The following ZNF26 variants were observed in gnomAD, a reference collection of about 807,000 sequenced individuals.
ZNF26 encodes epididymis luminal protein 179.
In ZNF26, 32 loss-of-function variants were observed where a neutral mutation model predicts 54.9. The observed-to-expected ratio is 0.58, with a 90% CI of 0.44 to 0.78. The LOEUF is 0.78. Ranked by LOEUF, ZNF26 falls within the 30% of genes least tolerant of loss-of-function variation. The probability of loss-of-function intolerance (pLI) is 0.00; values close to 1 mark genes in which losing one functional copy is unlikely to be tolerated. For synonymous variants in ZNF26, 221 were observed against 209.2 expected (o/e 1.06, Z -0.49); for missense variants, 524 against 634.0 (o/e 0.83, Z 1.86).
intron 1 of ZNF26, among the ~76,000 whole-genome samples, chr12:133,000,520 G>T (rs1315172135): frequency 3.3e-5 from 5 of 150,066 alleles, no homozygotes; most frequent in Non-Finnish European, 5.9e-5. Flanking sequence ...CGCCTCCAGG[G>T]TTCACGCCAT....
In ZNF26 at chr12:133,017,678, T is replaced by C. The variant is rs1453939167; in HGVS notation, c.*6197T>C. The C allele has an allele frequency of 6.6e-6, 1 of 152,180 alleles. No homozygotes were observed. The highest frequency in any genetic ancestry group is 1.5e-5 in the Non-Finnish European group (1 of 68,032). The allele number at this position is 152,180 out of a possible 1,614,324, so 9.4% of individuals were successfully genotyped here. On this transcript the variant is annotated 3_prime_UTR_variant, in exon 4 of 4. Coordinates refer to ENST00000328654, the MANE Select transcript of ZNF26 (RefSeq NM_019591.4). ...AGGGTAATTATGTAATAATAAAAGA[T>C]AGTGCAAGTGCAGATTTCTTATTTT...
Position 133,008,744 on chromosome 12 carries a change from CCAG to C in ZNF26, c.256+1214_256+1216del, listed in dbSNP as rs1167531027. On this transcript the variant is annotated intron_variant, in intron 3 of 3. Transcript: ENST00000328654. ...TGAGCCGAGATCGTGCCACTGCACT[CCAG>C]CCTGGGCAACAGAGCGAGACTCCAT... is the stretch of plus-strand genomic sequence containing the variant. Among the ~76,000 whole-genome samples, 643 of 145,128 alleles carry C rather than the reference CCAG, an allele frequency of 4.4e-3. 7 individuals are homozygous for C. Among genetic ancestry groups the C allele is most frequent in the African/African-American group, 0.015 (589 of 39,196 alleles).
rs77349696 is a variant in ZNF26, at chr12:133,026,519, C to CTTTTTTTT, written c.*15056_*15063dup. ...AAAAGGACAACTTCATATAGTTCAA[C>CTTTTTTTT]TTTTTTTTTTTTTTTTTTTTTTTTT... is the stretch of plus-strand genomic sequence containing the variant. On this transcript the variant is annotated 3_prime_UTR_variant, in exon 4 of 4. Transcript: ENST00000328654. The CTTTTTTTT allele has an allele frequency of 2.0e-4, 25 of 122,466 alleles. 1 individual carries two copies. The highest frequency in any genetic ancestry group is 8.0e-4 in the African/African-American group (22 of 27,484). The allele number at this position is 122,466 out of a possible 1,614,324, so 7.6% of individuals were successfully genotyped here.
intron 1 of ZNF26, among the ~76,000 whole-genome samples, chr12:132,987,973 T>C (rs917915229): frequency 1.1e-3 from 161 of 152,346 alleles, no homozygotes; most frequent in African/African-American, 3.5e-3. Context: ...AATACCACAC[T>C]GCCACACTGT....
rs1953671281 is a variant in ZNF26, at chr12:133,023,807, G to T, written c.*12326G>T. 2.6e-5 allele frequency: 4 copies of T among 152,220 alleles called. No homozygotes were observed. Among genetic ancestry groups the T allele is most frequent in the African/African-American group, 9.6e-5 (4 of 41,460 alleles). The allele number at this position is 152,220 out of a possible 1,614,324, so 9.4% of individuals were successfully genotyped here. On this transcript the variant is annotated 3_prime_UTR_variant, in exon 4 of 4. Transcript: ENST00000328654. ...AACTTCGCAGGATATAAAAAGCCAT[G>T]CGGCTTCTGCCTTGATTGCAGAGAT... is the stretch of plus-strand genomic sequence containing the variant.
In ZNF26 at chr12:133,012,485, T is replaced by A. The variant is rs753571606; in HGVS notation, c.*1004T>A. On this transcript the variant is annotated 3_prime_UTR_variant, in exon 4 of 4. Coordinates refer to ENST00000328654, the MANE Select transcript of ZNF26 (RefSeq NM_019591.4). ...CATTCTGGCTAATTGATTACAAGAA[T>A]AACTGTGGATACGATCCCTTTAGAA... is the stretch of plus-strand genomic sequence containing the variant. 6.6e-6 allele frequency: 1 copy of A among 151,836 alleles called. No homozygotes were observed. Among genetic ancestry groups the A allele is most frequent in the Non-Finnish European group, 1.5e-5 (1 of 68,000 alleles). The allele number at this position is 151,836 out of a possible 1,614,324, so 9.4% of individuals were successfully genotyped here. A position where few individuals can be genotyped will look rare whatever the true frequency, so the allele number is the denominator to read the frequency against.
At position 133,022,656 on chromosome 12, in the gene ZNF26, A is replaced by C. The variant is rs2137285501; in HGVS notation, c.*11175A>C. ...AACTATCTCAATACAAATTTAATTA[A>C]AACAAAATAAATCTGATAAAGATGT... On this transcript the variant is annotated 3_prime_UTR_variant, in exon 4 of 4. Transcript: ENST00000328654. 1 of 151,610 alleles carries C rather than the reference A, an allele frequency of 6.6e-6. No homozygotes were observed. The highest frequency in any genetic ancestry group is 1.9e-4 in the East Asian group (1 of 5,204). The allele number at this position is 151,610 out of a possible 1,614,324, so 9.4% of individuals were successfully genotyped here. A position where few individuals can be genotyped will look rare whatever the true frequency, so the allele number is the denominator to read the frequency against.
chr12:133,010,670 G>T lies in ZNF26; in HGVS notation c.791G>T (p.Gly264Val). 6.2e-7 allele frequency: 1 copy of T among 1,614,102 alleles called. No homozygotes were observed. The highest frequency in any genetic ancestry group is 8.5e-7 in the Non-Finnish European group (1 of 1,180,018). Residue 264 changes from glycine (G) to valine (V), a missense_variant, in exon 4 of 4, where the codon GGG (glycine) becomes GTG (valine). Coordinates refer to ENST00000328654, the MANE Select transcript of ZNF26 (RefSeq NM_019591.4). ...AAACCCTATGGCTGCAGTGAATGTGGGAAAGCCTACAGTTGGAAATCACAG... is the reference window on the plus strand; with the variant it reads ...AAACCCTATGGCTGCAGTGAATGTGTGAAAGCCTACAGTTGGAAATCACAG... Reference protein sequence around the residue: ...GGKPYGCSECGKAYSWKSQLL... With the variant: ...GGKPYGCSECVKAYSWKSQLL...
At chr12:133,007,558 G>GA in intron 3 of ZNF26, 26 bp downstream of exon 3, 2 of 1,538,164 alleles carry the variant, frequency 1.3e-6, no homozygotes, top group Non-Finnish European at 1.8e-6. Flanking sequence ...AGAGGAAGGT[G>GA]GGAGGCATGG....
intron 1 of ZNF26, among the ~76,000 whole-genome samples, chr12:132,996,941 T>C (rs1479289407): frequency 6.6e-6 from 1 of 152,200 alleles, no homozygotes; most frequent in Non-Finnish European, 1.5e-5. Context: ...AAACATTTAA[T>C]AGGGACTTAA....
intron 1 of ZNF26, among the ~76,000 whole-genome samples, chr12:132,988,885 G>T (rs1242862288): frequency 6.6e-6 from 1 of 151,996 alleles, no homozygotes; most frequent in Non-Finnish European, 1.5e-5. Flanking sequence ...TTTAATTTTT[G>T]TGGGTGCTAC....
chr12:132,995,954 A>G (rs1214784816), intron 1 of ZNF26, among the ~76,000 whole-genome samples: 1 of 152,112 alleles, frequency 6.6e-6, no homozygotes, highest in Non-Finnish European at 1.5e-5. Flanking sequence ...ACCTGACCTT[A>G]CTGTTGTTTT....
intron 1 of ZNF26, among the ~76,000 whole-genome samples, chr12:133,002,053 C>G (rs1953229641): frequency 6.6e-6 from 1 of 152,134 alleles, no homozygotes; most frequent in African/African-American, 2.4e-5. Flanking sequence ...GGTCACTTTT[C>G]TCCTTCAGTG....
chr12:133,014,020 C>T lies in ZNF26; in HGVS notation c.*2539C>T, dbSNP rs1953528704. 6.6e-6 allele frequency: 1 copy of T among 152,200 alleles called. No homozygotes were observed. The highest frequency in any genetic ancestry group is 6.5e-5 in the Admixed American group (1 of 15,272). 9.4% of individuals were successfully genotyped at this position (152,200 alleles called of 1,614,324 possible). A position where few individuals can be genotyped will look rare whatever the true frequency, so the allele number is the denominator to read the frequency against. The stretch of plus-strand genomic sequence containing the variant: ...CCTCCTGATACAGATAGAACCCCTT[C>T]CCTTTTCTGGGAAAATGTGGAATTT... On this transcript the variant is annotated 3_prime_UTR_variant, in exon 4 of 4. Transcript: ENST00000328654.
At chr12:132,993,245 G>A (rs1172468785) in intron 1 of ZNF26, among the ~76,000 whole-genome samples, 4 of 151,660 alleles carry the variant, frequency 2.6e-5, no homozygotes, top group South Asian at 2.1e-4. Context: ...GGCTGGTTTC[G>A]AACTTCTGAC....
rs1051659507 is a variant in ZNF26, at chr12:133,001,391, C to T, written c.34-5651C>T. On this transcript the variant is annotated intron_variant, in intron 1 of 3. Transcript: ENST00000328654. This position sits in a 1 kb window ranked among gnomAD's most constrained non-coding sequence, Gnocchi z 4.7. ...CCCACTTCATTTACTTGTTGCCCTC[C>T]GACGGGGGCTCCTTCTGGGTTGGGG... Among the ~76,000 whole-genome samples, 435 of 152,226 alleles carry T rather than the reference C, an allele frequency of 2.9e-3. 2 individuals are homozygous for T. Among genetic ancestry groups the T allele is most frequent in the African/African-American group, 9.8e-3 (409 of 41,536 alleles).
In ZNF26 at chr12:133,017,968, C is replaced by T. The variant is rs1310863239; in HGVS notation, c.*6487C>T. On this transcript the variant is annotated 3_prime_UTR_variant, in exon 4 of 4. Coordinates refer to ENST00000328654, the MANE Select transcript of ZNF26 (RefSeq NM_019591.4). ...AGGTTGCAGTGAGCCGAGATCACGC[C>T]ACCGCACTTCAGCCTGGGCAACAGA... is the stretch of plus-strand genomic sequence containing the variant. The T allele has an allele frequency of 6.6e-6, 1 of 152,222 alleles. No homozygotes were observed. The highest frequency in any genetic ancestry group is 1.5e-5 in the Non-Finnish European group (1 of 68,062). The allele number at this position is 152,222 out of a possible 1,614,324, so 9.4% of individuals were successfully genotyped here.
At position 133,010,485 on chromosome 12, in the gene ZNF26, T is replaced by C; in HGVS notation, c.606T>C (p.Tyr202=). Residue 202 remains tyrosine (Y), a synonymous_variant, in exon 4 of 4, where the codon TAT becomes TAC. Coordinates refer to ENST00000328654, the MANE Select transcript of ZNF26 (RefSeq NM_019591.4). ...GAATTCATACAGGAGAGAGACCTTA[T>C]GAATGCAGTAAATGTGAAAGAGCCT... The part of the protein sequence containing the change: ...HLRIHTGERP[Y]ECSKCERAFS... The C allele has an allele frequency of 1.2e-6, 2 of 1,614,186 alleles. No individual in the cohort carries two copies. Among genetic ancestry groups the C allele is most frequent in the East Asian group, 4.5e-5 (2 of 44,882 alleles).
chr12:132,989,808 AG>A (rs1952908891), intron 1 of ZNF26, among the ~76,000 whole-genome samples: 1 of 152,132 alleles, frequency 6.6e-6, no homozygotes, highest in Non-Finnish European at 1.5e-5. Context: ...GAGTGGTGAG[AG>A]GGGATTAAAG....
Sources: gnomAD v4.1 joint callset for allele counts (sites outside exome capture counted in the v4.1 genomes callset) on GRCh38, gnomAD v4.1.1 for gene constraint, Gnocchi (gnomAD v3.1) non-coding constraint, MANE v1.5 for transcripts, NCBI Gene and HGNC (gene_info 2026-07-23, HGNC 2026-07-21) for gene names.